Variants in SETD2 observed in about 807,000 individuals in gnomAD.
SETD2 encodes the protein SET domain containing 2, histone lysine methyltransferase, also known as histone-lysine N-methyltransferase SETD2.
In SETD2, 31 loss-of-function variants were observed where a neutral mutation model predicts 242.1. The observed-to-expected ratio is 0.13, with a 90% CI of 0.10 to 0.17. The LOEUF is 0.17. Among genes scored for constraint, SETD2 ranks in the 10% least tolerant of loss-of-function variants. SETD2 has a pLI of 1.00. For synonymous variants in SETD2, 1,006 were observed against 1,066.5 expected (o/e 0.94, Z 1.11); for missense variants, 2,481 against 3,046.3 (o/e 0.81, Z 4.37).
intron 5 of SETD2, among the ~76,000 whole-genome samples, chr3:47,106,375 C>T (rs2042418529): frequency 6.6e-6 from 1 of 151,156 alleles, no homozygotes. Context: ...AATATATATC[C>T]TTTAACTAGA....
chr3:47,123,470 T>C lies in SETD2; in HGVS notation c.1166A>G (p.Tyr389Cys), dbSNP rs2043191929. 1.9e-6 allele frequency: 3 copies of C among 1,551,136 alleles called. No homozygotes were observed. Among genetic ancestry groups the C allele is most frequent in the Non-Finnish European group, 2.6e-6 (3 of 1,146,726 alleles). ...TTCTGATCTACATCGGGAAGATACA[T>C]ACCGAGTATCTCTTTCAAGTTTTGA... ...SYSKLERDTRYVSSRCRSERE... is the reference protein window; with the variant it reads ...SYSKLERDTRCVSSRCRSERE... Residue 389 changes from tyrosine to cysteine, a missense_variant, in exon 3 of 21, where the codon TAT becomes TGT. Physicochemically the swap from Tyr to Cys is radical, Grantham distance 194 (BLOSUM62 -2). This residue lies in a region of SETD2 where 1,300 missense variants were observed against 1,259.2 expected (regional missense o/e 1.03). Transcript: ENST00000409792.
chr3:47,150,054 A>G (rs181547879), intron 1 of SETD2, among the ~76,000 whole-genome samples: 120 of 25,698 alleles, frequency 4.7e-3, no homozygotes, highest in African/African-American at 0.015. Flanking sequence ...TTTTTGAGAC[A>G]GAGTCTCGCT....
intron 1 of SETD2, chr3:47,127,485 T>G: frequency 2.5e-6 from 1 of 403,684 alleles, no homozygotes; most frequent in South Asian, 1.8e-5. Flanking sequence ...CCCAACACTT[T>G]AAGAGGCTAA....
chr3:47,105,740 TA>T, intron 6 of SETD2: 2 of 426,064 alleles, frequency 4.7e-6, no homozygotes, highest in Middle Eastern at 4.0e-4. Context: ...CCGTCTCTAC[TA>T]AAAATACAAA....
intron 12 of SETD2, among the ~76,000 whole-genome samples, chr3:47,067,880 T>C (rs972165517): frequency 1.3e-5 from 2 of 152,244 alleles, no homozygotes; most frequent in African/African-American, 4.8e-5. Flanking sequence ...ATGGCCAATG[T>C]AATATCTACT....
chr3:47,150,048 T>TTTTTTTTTTTTA (rs2043948431), intron 1 of SETD2, among the ~76,000 whole-genome samples: 1 of 146,930 alleles, frequency 6.8e-6, no homozygotes, highest in Non-Finnish European at 1.5e-5. Context: ...TTTTTTTTTT[T>TTTTTTTTTTTTA]GAGACAGAGT....
intron 1 of SETD2, among the ~76,000 whole-genome samples, chr3:47,163,086 G>A (rs1368493917): frequency 6.6e-6 from 1 of 152,196 alleles, no homozygotes; most frequent in East Asian, 1.9e-4. Flanking sequence ...GTGTCCGAAA[G>A]TGTGAAAATC....
At chr3:47,055,190 C>A (rs1207298506) in intron 15 of SETD2, among the ~76,000 whole-genome samples, 2 of 152,220 alleles carry the variant, frequency 1.3e-5, no homozygotes, top group African/African-American at 2.4e-5. Context: ...AAACAGGATA[C>A]CTTGTCATGG....
At chr3:47,159,902 G>GGGGCAGAGGTTGCAGT (rs1407599558) in intron 1 of SETD2, among the ~76,000 whole-genome samples, 1 of 150,430 alleles carries the variant, frequency 6.6e-6, no homozygotes, top group Non-Finnish European at 1.5e-5. Context: ...TTAAAGCCAG[G>GGGGCAGAGGTTGCAGT]GGGCAGAGGT....
rs549910638 is a variant in SETD2, at chr3:47,103,718, G to C, written c.4840-295C>G. The stretch of plus-strand genomic sequence containing the variant: ...ACAAAGGAAAAGCATTAAGACAAAT[G>C]TAAGATACATGCAATGCACACGCAC... On this transcript the variant is annotated intron_variant, in intron 6 of 20. Coordinates refer to ENST00000409792, the MANE Select transcript of SETD2 (RefSeq NM_014159.7). 4.7e-5 allele frequency among the ~76,000 whole-genome samples: 7 copies of C among 148,252 alleles called. No homozygotes were observed. The Admixed American group carries it at 4.8e-4, about 10-fold the overall frequency.
At chr3:47,135,161 T>C (rs762712179) in intron 1 of SETD2, among the ~76,000 whole-genome samples, 12 of 152,208 alleles carry the variant, frequency 7.9e-5, no homozygotes, top group Non-Finnish European at 1.5e-4. Context: ...ATAATTGCCA[T>C]GAGTAGAAAA....
rs755358803 is a variant in SETD2, at chr3:47,122,912, C to A, written c.1724G>T (p.Cys575Phe). 8.1e-6 allele frequency: 13 copies of A among 1,610,018 alleles called. No homozygotes were observed. ...TTTGATTTCTTCATTTAATTCTGTA[C>A]AACAGAAAGAATTTTTAAATTTATC... The part of the protein sequence containing the change: ...KSDKFKNSFC[C>F]TELNEEIKQS... The change falls in exon 3 of 21, where the codon TGT becomes TTT. Residue 575 changes from cysteine (C) to phenylalanine (F), a missense_variant. By Grantham distance (205) the Cys-to-Phe change is radical (BLOSUM62 -2). Coordinates refer to ENST00000409792, the MANE Select transcript of SETD2 (RefSeq NM_014159.7).
At chr3:47,103,740 G>A (rs1021877030) in intron 6 of SETD2, among the ~76,000 whole-genome samples, 4 of 103,344 alleles carry the variant, frequency 3.9e-5, no homozygotes, top group African/African-American at 6.9e-5. Context: ...CAATGCACAC[G>A]CACGCACACA....
Position 47,121,213 on chromosome 3 carries a change from C to T in SETD2, c.3423G>A (p.Pro1141=), listed in dbSNP as rs748281167. ...TACTGGACTGTGTAAAAGAAATTTC[C>T]GGATTCTTCTCTGTTCCTTTATGAA... ...FFLHKGTEKN[P]EISFTQSSRK... The change falls in exon 3 of 21, where the codon CCG becomes CCA. Residue 1141 remains proline, a synonymous_variant. Transcript: ENST00000409792. The T allele has an allele frequency of 2.7e-5, 43 of 1,613,952 alleles. No individual in the cohort carries two copies. The highest frequency in any genetic ancestry group is 3.3e-5 in the Admixed American group (2 of 59,988).
chr3:47,098,860 G>T (rs1300011378), intron 8 of SETD2, among the ~76,000 whole-genome samples: 1 of 152,128 alleles, frequency 6.6e-6, no homozygotes, highest in African/African-American at 2.4e-5. Context: ...GGATATGATA[G>T]TGGCAATTAG....
chr3:47,051,982 G>A (rs576485182), intron 15 of SETD2, among the ~76,000 whole-genome samples: 1 of 152,268 alleles, frequency 6.6e-6, no homozygotes, highest in South Asian at 2.1e-4. Flanking sequence ...TGTTGGCTGG[G>A]AGATAACAAC....
chr3:47,143,932 G>C (rs1048519209), intron 1 of SETD2, among the ~76,000 whole-genome samples: 4 of 151,976 alleles, frequency 2.6e-5, no homozygotes, highest in African/African-American at 9.7e-5. Flanking sequence ...GGATGGTCCC[G>C]ATCTCCTGAC....
intron 1 of SETD2, among the ~76,000 whole-genome samples, chr3:47,143,912 G>A (rs1376526458): frequency 9.2e-5 from 14 of 152,036 alleles, no homozygotes; most frequent in African/African-American, 2.7e-4. Flanking sequence ...GGGTTTCACC[G>A]TGTTAGCCAG....
intron 12 of SETD2, among the ~76,000 whole-genome samples, chr3:47,068,736 C>T (rs1007627043): frequency 5.9e-5 from 9 of 152,252 alleles, no homozygotes; most frequent in South Asian, 2.1e-4. Context: ...ATCTCATGAT[C>T]TTCCCACCCT....
Sources: gnomAD v4.1 joint callset for allele counts (sites outside exome capture counted in the v4.1 genomes callset) on GRCh38, gnomAD v4.1.1 for gene constraint, gnomAD v4.1.1 regional missense constraint, MANE v1.5 for transcripts, NCBI Gene and HGNC (gene_info 2026-07-23, HGNC 2026-07-21) for gene names.